AKR1C3: variants seen among roughly 807,000 people sequenced by gnomAD.
The protein encoded by AKR1C3 is 3-alpha hydroxysteroid dehydrogenase, type II.
In AKR1C3, 48 loss-of-function variants were observed where a neutral mutation model predicts 43.6. The ratio of observed to expected loss-of-function variants is 1.10; its 90% CI spans 0.87 to 1.40. The LOEUF is 1.40. Ranked by LOEUF, AKR1C3 falls within the 40% of genes most tolerant of loss-of-function variation. The probability of loss-of-function intolerance (pLI) is 0.00; values close to 1 mark genes in which losing one functional copy is unlikely to be tolerated. For synonymous variants in AKR1C3, 162 were observed against 139.6 expected (o/e 1.16, Z -1.13); for missense variants, 482 against 391.2 (o/e 1.23, Z -1.96).
chr10:5,049,846 A>T (rs2131766965), intron 1 of AKR1C3, among the ~76,000 whole-genome samples: 1 of 152,346 alleles, frequency 6.6e-6, no homozygotes, highest in South Asian at 2.1e-4. Flanking sequence ...AAAAATATTT[A>T]GGACTATATA....
At chr10:5,096,902 TTTC>T (rs1284955588) in intron 2 of AKR1C3, among the ~76,000 whole-genome samples, 1 of 152,162 alleles carries the variant, frequency 6.6e-6, no homozygotes, top group East Asian at 1.9e-4. Flanking sequence ...TTTTCTAAGA[TTTC>T]TTATTATTCT....
intron 1 of AKR1C3, among the ~76,000 whole-genome samples, chr10:5,059,162 G>A (rs1443885504): frequency 6.6e-6 from 1 of 152,148 alleles, no homozygotes; most frequent in Non-Finnish European, 1.5e-5. Flanking sequence ...CTATGATGGG[G>A]CTTTGGGCAA....
intron 8 of AKR1C3, among the ~76,000 whole-genome samples, chr10:5,106,005 A>G (rs1266980506): frequency 6.6e-6 from 1 of 152,194 alleles, no homozygotes; most frequent in Admixed American, 6.5e-5. Flanking sequence ...TGACTTCATT[A>G]GATGTTTCCA....
chr10:5,098,292 T>G, intron 3 of AKR1C3: 2 of 683,344 alleles, frequency 2.9e-6, no homozygotes, highest in Non-Finnish European at 3.6e-6. Flanking sequence ...ACTTTTTCAT[T>G]GGTGGCGATT....
At chr10:5,072,220 A>T in intron 1 of AKR1C3, among the ~76,000 whole-genome samples, 1 of 152,216 alleles carries the variant, frequency 6.6e-6, no homozygotes, top group Non-Finnish European at 1.5e-5. Context: ...ATAAGTCAAA[A>T]TAAATGCTTA....
intron 1 of AKR1C3, among the ~76,000 whole-genome samples, chr10:5,052,303 C>A (rs1454839845): frequency 6.6e-6 from 1 of 152,018 alleles, no homozygotes; most frequent in Non-Finnish European, 1.5e-5. Flanking sequence ...CAGTGTGGAC[C>A]CAAAGAGTGA....
At chr10:5,105,377 G>A (rs968257615) in intron 7 of AKR1C3, 7 of 369,812 alleles carry the variant, frequency 1.9e-5, no homozygotes, top group Admixed American at 4.2e-5. Flanking sequence ...CTCTTTGTCT[G>A]CAGAGTTGCA....
intron 7 of AKR1C3, among the ~76,000 whole-genome samples, chr10:5,104,087 T>G (rs1196270322): frequency 6.6e-6 from 1 of 152,142 alleles, no homozygotes; most frequent in Non-Finnish European, 1.5e-5. Flanking sequence ...TTCTCTGTAG[T>G]TATGTATTCA....
chr10:5,086,228 C>T (rs1838961977), intron 1 of AKR1C3, among the ~76,000 whole-genome samples: 1 of 151,536 alleles, frequency 6.6e-6, no homozygotes, highest in Admixed American at 6.6e-5. Flanking sequence ...TATAAATTTC[C>T]CTCTACACAT....
chr10:5,061,457 G>C (rs1263943965), intron 1 of AKR1C3, among the ~76,000 whole-genome samples: 2 of 152,140 alleles, frequency 1.3e-5, no homozygotes, highest in Non-Finnish European at 2.9e-5. Flanking sequence ...CTATGGGAGG[G>C]GTGTTCAGTG....
Position 5,096,519 on chromosome 10 carries a change from TCCGAAG to T in AKR1C3, c.196_201del (p.Arg66_Ser67del), listed in dbSNP as rs1839211887. 1 of 1,613,764 alleles carries T rather than the reference TCCGAAG, an allele frequency of 6.2e-7. No individual in the cohort carries two copies. The highest frequency in any genetic ancestry group is 8.5e-7 in the Non-Finnish European group (1 of 1,179,816). On this transcript the variant is annotated inframe_deletion, in exon 2 of 9. Transcript: ENST00000380554. ...AATGAGGAGCAGGTTGGACTGGCCATCCGAAGCAAGATTGCAGATGGCAGTGTGAAG... is the reference window on the plus strand; with the variant it reads ...AATGAGGAGCAGGTTGGACTGGCCATCAAGATTGCAGATGGCAGTGTGAAG...
At chr10:5,096,778 C>T (rs1554785205) in intron 2 of AKR1C3, among the ~76,000 whole-genome samples, 1 of 152,094 alleles carries the variant, frequency 6.6e-6, no homozygotes, top group Non-Finnish European at 1.5e-5. Context: ...CAATTTATGA[C>T]CTGAAAGTCC....
At chr10:5,076,581 C>T (rs1458623249) in intron 1 of AKR1C3, among the ~76,000 whole-genome samples, 1 of 152,134 alleles carries the variant, frequency 6.6e-6, no homozygotes, top group Non-Finnish European at 1.5e-5. Flanking sequence ...CTACATTTTT[C>T]TTTGCTTGTT....
intron 1 of AKR1C3, among the ~76,000 whole-genome samples, chr10:5,059,367 A>G (rs1158317003): frequency 2.6e-5 from 4 of 152,334 alleles, no homozygotes; most frequent in African/African-American, 9.6e-5. Flanking sequence ...GGCAAGGGTC[A>G]GGATAGATAG....
At chr10:5,063,030 G>A (rs1223391566) in intron 1 of AKR1C3, among the ~76,000 whole-genome samples, 3 of 152,238 alleles carry the variant, frequency 2.0e-5, no homozygotes, top group Admixed American at 6.5e-5. Flanking sequence ...ATGAAGGAGA[G>A]GAAATAGATA....
chr10:5,098,843 A>C lies in AKR1C3; in HGVS notation c.411A>C (p.Val137=), dbSNP rs549145354. ...ELSPTDENGK[V]IFDIVDLCTT... is the part of the protein sequence containing the mutation. ...CACCAACAGATGAAAATGGAAAAGTAATATTTGACATAGTGGATCTCTGTA... is the reference window on the plus strand; with the variant it reads ...CACCAACAGATGAAAATGGAAAAGTCATATTTGACATAGTGGATCTCTGTA... Residue 137 remains valine, a synonymous_variant, in exon 4 of 9, where the codon GTA becomes GTC. Transcript: ENST00000380554. 62 of 1,613,932 alleles carry C rather than the reference A, an allele frequency of 3.8e-5. No individual in the cohort carries two copies. In the South Asian group the frequency reaches 6.2e-4, roughly 16 times the overall value.
intron 1 of AKR1C3, among the ~76,000 whole-genome samples, chr10:5,083,073 TA>T (rs1554782563): frequency 3.2e-5 from 2 of 62,048 alleles, no homozygotes; most frequent in Non-Finnish European, 6.5e-5. Context: ...CTATTTTCTC[TA>T]TTTTTTTTTA....
rs541375004 is a variant in AKR1C3 at position 5,099,552 on chromosome 10, G to T, written c.570+103G>T. On this transcript the variant is annotated intron_variant, in intron 5 of 8. Coordinates refer to ENST00000380554, the MANE Select transcript of AKR1C3 (RefSeq NM_003739.6). ...TTGTCCCAGTTATCTTTGTGAAGTA[G>T]AAGATTATCTAGAGAGCAAAGCTTC... 1.1e-5 allele frequency: 17 copies of T among 1,565,284 alleles called. No individual in the cohort carries two copies. In the African/African-American group the frequency reaches 2.0e-4, roughly 19 times the overall value.
chr10:5,067,962 G>A (rs1227524739), intron 1 of AKR1C3, among the ~76,000 whole-genome samples: 1 of 152,148 alleles, frequency 6.6e-6, no homozygotes, highest in Non-Finnish European at 1.5e-5. Context: ...TAGGTGCATT[G>A]TACTGATAGC....
Sources: allele counts gnomAD v4.1 joint callset (sites outside exome capture counted in the v4.1 genomes callset), GRCh38; gene constraint gnomAD v4.1.1; transcripts MANE v1.5; gene names NCBI Gene and HGNC (gene_info 2026-07-23, HGNC 2026-07-21).